The following MCPH1 variants were observed in gnomAD, a reference collection of about 807,000 sequenced individuals.
The protein encoded by MCPH1 is microcephalin 1.
In MCPH1, 104 loss-of-function variants were observed where a neutral mutation model predicts 84.5. The observed-to-expected ratio is 1.23, with a 90% CI of 1.05 to 1.45. The LOEUF is 1.45. Ranked by LOEUF, MCPH1 falls within the 40% of genes most tolerant of loss-of-function variation. The pLI is 0.00. For synonymous variants in MCPH1, 514 were observed against 366.8 expected (o/e 1.40, Z -4.58); for missense variants, 1,498 against 1,005.7 (o/e 1.49, Z -6.62).
chr8:6,563,725 A>C (rs1282441242), intron 12 of MCPH1, among the ~76,000 whole-genome samples: 1 of 152,198 alleles, frequency 6.6e-6, no homozygotes, highest in Non-Finnish European at 1.5e-5. Context: ...AGAGGGAAAA[A>C]TAGATTCATT....
chr8:6,408,933 T>A (rs991930424), intron 1 of MCPH1, among the ~76,000 whole-genome samples: 3 of 151,640 alleles, frequency 2.0e-5, no homozygotes, highest in Non-Finnish European at 4.4e-5. Flanking sequence ...TCACCCAGGC[T>A]GGAGTGCAAT....
intron 12 of MCPH1, among the ~76,000 whole-genome samples, chr8:6,524,927 G>A (rs1300737377): frequency 6.6e-6 from 1 of 152,176 alleles, no homozygotes; most frequent in African/African-American, 2.4e-5. Flanking sequence ...TCTGCACATG[G>A]CTTCCTGTGT....
chr8:6,496,898 T>G (rs1246130813), intron 11 of MCPH1, among the ~76,000 whole-genome samples: 3 of 152,150 alleles, frequency 2.0e-5, no homozygotes, highest in Admixed American at 6.5e-5. Flanking sequence ...CCCAGTTTTC[T>G]CTCATCACTT....
intron 9 of MCPH1, among the ~76,000 whole-genome samples, chr8:6,475,774 A>G (rs1808368542): frequency 1.3e-5 from 2 of 152,116 alleles, no homozygotes; most frequent in South Asian, 4.1e-4. Flanking sequence ...TGGTGAGTTT[A>G]AAACAGGCAG....
At position 6,573,405 on chromosome 8, in the gene MCPH1, T is replaced by C. The variant is rs1013833687; in HGVS notation, c.2215-48049T>C. ...CAATAGGCCTTCTAGATGGATGGAA[T>C]ACAGGGAGTCCAGGAATGGGATTGG... On this transcript the variant is annotated intron_variant, in intron 12 of 13. Coordinates refer to ENST00000344683, the MANE Select transcript of MCPH1 (RefSeq NM_024596.5). Among the ~76,000 whole-genome samples the C allele has an allele frequency of 6.6e-5, 10 of 152,228 alleles. No homozygotes were observed. The East Asian group carries it at 1.9e-3, about 29-fold the overall frequency.
At chr8:6,455,393 T>C (rs1563234186) in intron 9 of MCPH1, 141 bp downstream of exon 9, 1 of 683,536 alleles carries the variant, frequency 1.5e-6, no homozygotes, top group South Asian at 1.7e-5. Context: ...GCTGGAAAAC[T>C]CAGAATATGA....
chr8:6,491,527 A>T (rs1810586166), intron 11 of MCPH1, among the ~76,000 whole-genome samples: 1 of 150,770 alleles, frequency 6.6e-6, no homozygotes, highest in Non-Finnish European at 1.5e-5. Flanking sequence ...CACAACATGC[A>T]GGTTTGTTAC....
intron 12 of MCPH1, among the ~76,000 whole-genome samples, chr8:6,516,344 TG>T (rs1816268287): frequency 6.6e-6 from 1 of 152,228 alleles, no homozygotes; most frequent in African/African-American, 2.4e-5. Flanking sequence ...TCTGCATTTT[TG>T]AAAGGAGAAA....
At chr8:6,547,249 G>A (rs928325425) in intron 12 of MCPH1, among the ~76,000 whole-genome samples, 57 of 152,086 alleles carry the variant, frequency 3.7e-4, no homozygotes, top group African/African-American at 1.3e-3. Flanking sequence ...ACAGCAATTC[G>A]GGAAGTAAAC....
At chr8:6,625,111 G>C (rs1456675899) in intron 13 of MCPH1, 15 of 848,148 alleles carry the variant, frequency 1.8e-5, no homozygotes, top group Non-Finnish European at 2.0e-5. Context: ...CCAACCTCAA[G>C]TGATCCTCCT....
intron 2 of MCPH1, among the ~76,000 whole-genome samples, chr8:6,413,924 T>A (rs1350918928): frequency 1.3e-5 from 2 of 152,068 alleles, no homozygotes; most frequent in African/African-American, 4.8e-5. Context: ...TTGGCTAATT[T>A]TTGTATTTTT....
intron 9 of MCPH1, among the ~76,000 whole-genome samples, chr8:6,468,953 C>G (rs921941219): frequency 5.3e-5 from 8 of 152,218 alleles, no homozygotes; most frequent in African/African-American, 1.2e-4. Context: ...ATTTGGGAGG[C>G]TGAGGCAGGA....
intron 12 of MCPH1, among the ~76,000 whole-genome samples, chr8:6,611,621 T>A (rs1270514225): frequency 1.8e-5 from 2 of 110,648 alleles, no homozygotes; most frequent in Non-Finnish European, 4.3e-5. Flanking sequence ...TCAGGATTTT[T>A]TTTTATTTTT....
chr8:6,581,742 C>T (rs983735692), intron 12 of MCPH1, among the ~76,000 whole-genome samples: 4 of 152,172 alleles, frequency 2.6e-5, no homozygotes, highest in African/African-American at 9.7e-5. Flanking sequence ...AACAACATAT[C>T]ATTCAAACTG....
rs2515465 is a variant in MCPH1 at position 6,528,341 on chromosome 8, G to T, written c.2214+28412G>T. Among the ~76,000 whole-genome samples, 5 of 152,216 alleles carry T rather than the reference G, an allele frequency of 3.3e-5. No homozygotes were observed. The South Asian group carries it at 6.2e-4, about 19-fold the overall frequency. On this transcript the variant is annotated intron_variant, in intron 12 of 13. Coordinates refer to ENST00000344683, the MANE Select transcript of MCPH1 (RefSeq NM_024596.5). ...TATAAAATGGTCATATTTCATAGGT[G>T]GAAAGTATTTTCCCTTTGCCGAAAA... is the stretch of plus-strand genomic sequence containing the variant.
At chr8:6,639,726 G>C (rs541553868) in intron 13 of MCPH1, among the ~76,000 whole-genome samples, 1 of 151,824 alleles carries the variant, frequency 6.6e-6, no homozygotes, top group South Asian at 2.1e-4. Flanking sequence ...ATATTGTTTA[G>C]GGATTTGTTT....
intron 11 of MCPH1, among the ~76,000 whole-genome samples, chr8:6,496,241 A>G (rs1372998798): frequency 1.3e-5 from 2 of 152,166 alleles, no homozygotes; most frequent in African/African-American, 4.8e-5. Flanking sequence ...CATGCAACCT[A>G]GATCCCTCAT....
intron 12 of MCPH1, among the ~76,000 whole-genome samples, chr8:6,504,743 G>A (rs568418775): frequency 2.6e-5 from 4 of 152,216 alleles, no homozygotes; most frequent in East Asian, 3.9e-4. Flanking sequence ...GAAGCAATAT[G>A]TTGTATATTA....
Position 6,479,925 on chromosome 8 carries a change from G to T in MCPH1, c.1974-789G>T, listed in dbSNP as rs138093781. Among the ~76,000 whole-genome samples the T allele has an allele frequency of 1.3e-3, 191 of 152,102 alleles. 3 individuals carry two copies. The East Asian group carries it at 0.031, about 25-fold the overall frequency. ...TTTGATTTGATGATTTAATAAAAAG[G>T]GTCTTTTTTCCCCTCTTAGTAGAAA... On this transcript the variant is annotated intron_variant, in intron 10 of 13. Transcript: ENST00000344683.
Sources: gnomAD v4.1 joint callset for allele counts (sites outside exome capture counted in the v4.1 genomes callset) on GRCh38, gnomAD v4.1.1 for gene constraint, MANE v1.5 for transcripts, NCBI Gene and HGNC (gene_info 2026-07-23, HGNC 2026-07-21) for gene names.